Variants in STRA6 observed in about 807,000 individuals in gnomAD.
The protein encoded by STRA6 is signaling receptor and transporter of retinol STRA6.
Under a neutral mutation model 83.6 loss-of-function variants are expected in STRA6, and 48 were observed. That is an observed-to-expected ratio of 0.57 (90% CI 0.46 to 0.73). STRA6 has a LOEUF of 0.73. Among genes scored for constraint, STRA6 ranks in the 30% least tolerant of loss-of-function variants. The probability of loss-of-function intolerance (pLI) is 0.00; values close to 1 mark genes in which losing one functional copy is unlikely to be tolerated. For synonymous variants in STRA6, 353 were observed against 362.3 expected (o/e 0.97, Z 0.29); for missense variants, 760 against 838.8 (o/e 0.91, Z 1.16).
intron 7 of STRA6, 77 bp downstream of exon 7, chr15:74,195,225 G>A: frequency 6.4e-7 from 1 of 1,572,322 alleles, no homozygotes. Context: ...TAGAATCAGA[G>A]CTCAAAGGAG....
At chr15:74,201,471 G>C (rs572877342) in intron 2 of STRA6, among the ~76,000 whole-genome samples, 1 of 152,120 alleles carries the variant, frequency 6.6e-6, no homozygotes, top group African/African-American at 2.4e-5. Context: ...CCTCCACCAG[G>C]GTGCCCAGAC....
intron 13 of STRA6, among the ~76,000 whole-genome samples, chr15:74,184,659 G>T (rs2073154614): frequency 6.6e-6 from 1 of 152,192 alleles, no homozygotes; most frequent in Non-Finnish European, 1.5e-5. Flanking sequence ...GGCAGGTGCA[G>T]CTTCCCCAGG....
chr15:74,199,449 C>T (rs2073961950), intron 2 of STRA6, among the ~76,000 whole-genome samples: 1 of 143,070 alleles, frequency 7.0e-6, no homozygotes, highest in Admixed American at 6.8e-5. Context: ...GCTCCAAGGC[C>T]TCTCACTCTG....
At chr15:74,193,624 G>C (rs1595848013) in intron 8 of STRA6, among the ~76,000 whole-genome samples, 176 bp downstream of exon 8, 1 of 152,316 alleles carries the variant, frequency 6.6e-6, no homozygotes, top group South Asian at 2.1e-4. Context: ...CAAGGGCCCA[G>C]TCCAGCTTTT....
intron 7 of STRA6, 137 bp from the exon 8 acceptor site, chr15:74,194,059 T>C: frequency 1.4e-6 from 2 of 1,405,478 alleles, no homozygotes; most frequent in South Asian, 1.2e-5. Flanking sequence ...AGCTCTATGG[T>C]TCCCAACCTG....
intron 14 of STRA6, chr15:74,183,014 T>C (rs1308581588): frequency 5.8e-6 from 1 of 173,408 alleles, no homozygotes; most frequent in Non-Finnish European, 1.3e-5. Context: ...GAGGTGAGAA[T>C]GGAAGGAACT....
At chr15:74,189,472 C>G (rs1028864389) in intron 11 of STRA6, among the ~76,000 whole-genome samples, 195 bp from the exon 12 acceptor site, 3 of 152,284 alleles carry the variant, frequency 2.0e-5, no homozygotes, top group African/African-American at 7.2e-5. Context: ...CAATCACAGC[C>G]TAATAGGCCA....
At chr15:74,201,342 A>C (rs2074051977) in intron 2 of STRA6, among the ~76,000 whole-genome samples, 1 of 152,198 alleles carries the variant, frequency 6.6e-6, no homozygotes, top group African/African-American at 2.4e-5. Context: ...AAACCGTCAG[A>C]CAGAGCAGGG....
At chr15:74,205,098 A>C (rs1422794635), upstream of STRA6, among the ~76,000 whole-genome samples, 1 of 152,148 alleles carries the variant, frequency 6.6e-6, no homozygotes, top group Non-Finnish European at 1.5e-5. Flanking sequence ...CCAGAGGGGA[A>C]GTGAAGTGGG....
chr15:74,187,512 T>C (rs912859276), intron 12 of STRA6, among the ~76,000 whole-genome samples: 1 of 151,946 alleles, frequency 6.6e-6, no homozygotes, highest in Non-Finnish European at 1.5e-5. Context: ...GAGATTCTAA[T>C]CTAGTTTGCC....
intron 7 of STRA6, chr15:74,194,697 T>A: frequency 9.0e-7 from 1 of 1,109,570 alleles, no homozygotes; most frequent in Non-Finnish European, 1.1e-6. Context: ...CCTGGAAATG[T>A]CCCTGGTACA....
Position 74,179,995 on chromosome 15 carries a change from TGGGAGGAGA to T in STRA6, c.*76_*84del. 5.8e-6 allele frequency: 9 copies of T among 1,552,728 alleles called. No individual in the cohort carries two copies. Among genetic ancestry groups the T allele is most frequent in the African/African-American group, 1.4e-5 (1 of 74,040 alleles). On this transcript the variant is annotated 3_prime_UTR_variant, in exon 19 of 19. Coordinates refer to ENST00000395105, the MANE Select transcript of STRA6 (RefSeq NM_022369.4). ...GCTGGCTGCATGGCTGGTGTGATGC[TGGGAGGAGA>T]GCCGGGGAGGGAGGAGGATGGTAGG...
intron 2 of STRA6, among the ~76,000 whole-genome samples, chr15:74,199,620 T>A (rs2142071443): frequency 6.6e-6 from 1 of 152,270 alleles, no homozygotes; most frequent in Middle Eastern, 3.4e-3. Flanking sequence ...CCCCCAGAAA[T>A]GCCCTCCAGG....
chr15:74,208,812 G>A (rs891896974), exon 1 of STRA6: 33 of 988,636 alleles, frequency 3.3e-5, no homozygotes, highest in Admixed American at 2.5e-4. Flanking sequence ...CCAATCAAGC[G>A]CTCTCCTGAC....
intron 8 of STRA6, among the ~76,000 whole-genome samples, chr15:74,193,555 G>C (rs2142042267): frequency 6.6e-6 from 1 of 152,280 alleles, no homozygotes; most frequent in Non-Finnish European, 1.5e-5. Context: ...ACTCAGTTCT[G>C]CTTTGTTAAG....
At chr15:74,200,676 G>A (rs1407246939) in intron 2 of STRA6, among the ~76,000 whole-genome samples, 1 of 152,164 alleles carries the variant, frequency 6.6e-6, no homozygotes, top group South Asian at 2.1e-4. Flanking sequence ...GAGGGCAGGG[G>A]GATGGCAGGC....
chr15:74,195,984 C>A, intron 5 of STRA6, 24 bp downstream of exon 5: 1 of 1,613,620 alleles, frequency 6.2e-7, no homozygotes, highest in East Asian at 2.2e-5. Context: ...ACACCAACCC[C>A]AGGGCCTGGG....
At chr15:74,209,056 C>G (rs889631384), upstream of STRA6, 3 of 1,203,516 alleles carry the variant, frequency 2.5e-6, no homozygotes, top group African/African-American at 4.7e-5. Context: ...CAGCTCCCCC[C>G]TTCTCCAGTC....
chr15:74,201,259 T>C (rs986544283), intron 2 of STRA6, among the ~76,000 whole-genome samples: 1 of 152,112 alleles, frequency 6.6e-6, no homozygotes, highest in African/African-American at 2.4e-5. Context: ...CTTCTCAAGT[T>C]TCAGGTTTTG....
Sources: allele counts gnomAD v4.1 joint callset (sites outside exome capture counted in the v4.1 genomes callset), GRCh38; gene constraint gnomAD v4.1.1; transcripts MANE v1.5; gene names NCBI Gene and HGNC (gene_info 2026-07-23, HGNC 2026-07-21).